Variants in FAAH2 observed in about 807,000 individuals in gnomAD.
FAAH2 encodes the protein fatty acid amide hydrolase 2.
Under a neutral mutation model 36.9 loss-of-function variants are expected in FAAH2, and 60 were observed. The observed-to-expected ratio is 1.63, with a 90% CI of 1.32 to 2.02. The LOEUF (loss-of-function observed/expected upper bound fraction) is 2.02, where lower values mean the gene tolerates loss of function less well. Among genes scored for constraint, FAAH2 ranks in the 30% most tolerant of loss-of-function variants. FAAH2 has a pLI of 0.00. For missense variants in FAAH2, 689 were observed against 397.5 expected (o/e 1.73, Z -6.23); for synonymous variants, 214 against 143.8 (o/e 1.49, Z -3.49).
At chrX:57,169,529 T>C in the FAAH2 span, among the ~76,000 whole-genome samples, 3 of 13,150 alleles carry the variant, frequency 2.3e-4, no homozygotes, top group Non-Finnish European at 3.4e-4. Flanking sequence ...TATATATATA[T>C]ATATATATAT....
chrX:57,330,744 C>A (rs1010052530), intron 3 of FAAH2, among the ~76,000 whole-genome samples: 1 of 111,555 alleles, frequency 9.0e-6, no homozygotes, highest in African/African-American at 3.3e-5. Flanking sequence ...TCCTTTATTT[C>A]TCAAACTGGC....
chrX:57,240,561 G>A, the FAAH2 span, among the ~76,000 whole-genome samples: 1 of 111,737 alleles, frequency 8.9e-6, no homozygotes, highest in Non-Finnish European at 1.9e-5. Flanking sequence ...GCATGGCATT[G>A]ACATGGTCGG....
chrX:57,300,723 C>A (rs1429367393), intron 2 of FAAH2, among the ~76,000 whole-genome samples: 1 of 111,395 alleles, frequency 9.0e-6, no homozygotes, highest in African/African-American at 3.3e-5. Context: ...TGACAAAGGG[C>A]TAATATCCAG....
At chrX:57,351,444 A>G (rs1172192519) in intron 5 of FAAH2, among the ~76,000 whole-genome samples, 1 of 111,278 alleles carries the variant, frequency 9.0e-6, no homozygotes, top group Non-Finnish European at 1.9e-5. Context: ...AAAAGCCTGA[A>G]CTAATCAAGA....
the FAAH2 span, among the ~76,000 whole-genome samples, chrX:57,244,192 G>T: frequency 9.2e-6 from 1 of 109,153 alleles, no homozygotes; most frequent in Admixed American, 9.9e-5. Flanking sequence ...GACAAGATTA[G>T]AGAAAAAAGA....
chrX:57,443,234 A>C (rs1039316023), intron 8 of FAAH2, among the ~76,000 whole-genome samples: 1 of 111,841 alleles, frequency 8.9e-6, no homozygotes, highest in Non-Finnish European at 1.9e-5. Flanking sequence ...TCTCACCGTC[A>C]CTTTCAGGTA....
At chrX:57,189,308 G>A in the FAAH2 span, among the ~76,000 whole-genome samples, 2 of 109,676 alleles carry the variant, frequency 1.8e-5, no homozygotes, top group Non-Finnish European at 3.8e-5. Context: ...CAAGGTTCTT[G>A]GCTTCCCTGC....
the FAAH2 span, among the ~76,000 whole-genome samples, chrX:57,268,171 C>T: frequency 1.9e-3 from 215 of 111,881 alleles, 1 homozygote; most frequent in African/African-American, 6.9e-3. Context: ...CCTGATAGAG[C>T]TGAAAAACAC....
the FAAH2 span, among the ~76,000 whole-genome samples, chrX:57,228,642 T>A: frequency 1.8e-5 from 2 of 111,374 alleles, no homozygotes; most frequent in African/African-American, 6.5e-5. Context: ...GGAGCTGCAA[T>A]CTAGTCCTAC....
chrX:57,328,760 G>A (rs2053303196), intron 3 of FAAH2, among the ~76,000 whole-genome samples: 1 of 111,420 alleles, frequency 9.0e-6, no homozygotes, highest in South Asian at 3.8e-4. Context: ...ATAACCTTGG[G>A]CGATTTGATT....
the FAAH2 span, among the ~76,000 whole-genome samples, chrX:57,237,093 C>A: frequency 3.6e-5 from 4 of 111,639 alleles, no homozygotes; most frequent in African/African-American, 1.3e-4. Flanking sequence ...GTTTTTCCAG[C>A]ACCATATATT....
intron 10 of FAAH2, among the ~76,000 whole-genome samples, chrX:57,482,821 G>A (rs1468828710): frequency 1.9e-5 from 2 of 105,134 alleles, no homozygotes; most frequent in African/African-American, 3.4e-5. Context: ...ATTTTTTAAA[G>A]GAGTTAAAAT....
At chrX:57,336,369 G>T (rs1230335155) in intron 4 of FAAH2, among the ~76,000 whole-genome samples, 1 of 110,900 alleles carries the variant, frequency 9.0e-6, no homozygotes, top group Non-Finnish European at 1.9e-5. Flanking sequence ...TTCAGACTCA[G>T]CCCACCTGCA....
intron 3 of FAAH2, among the ~76,000 whole-genome samples, chrX:57,319,045 C>G (rs5960259): frequency 0.014 from 1,549 of 111,564 alleles, 27 homozygotes; most frequent in African/African-American, 0.049. Flanking sequence ...CTATTTATGA[C>G]AAACCCACAG....
intron 2 of FAAH2, among the ~76,000 whole-genome samples, chrX:57,299,545 C>T (rs1489793848): frequency 1.8e-5 from 2 of 111,688 alleles, no homozygotes; most frequent in East Asian, 2.8e-4. Flanking sequence ...AAAACTGGCA[C>T]AAGACAGGGA....
the FAAH2 span, among the ~76,000 whole-genome samples, chrX:57,214,490 G>T: frequency 4.5e-5 from 5 of 110,943 alleles, no homozygotes; most frequent in Non-Finnish European, 1.9e-5. Context: ...GCAATGGTGC[G>T]ATCTCAGCTC....
chrX:57,456,815 A>G (rs2056871553), intron 10 of FAAH2, among the ~76,000 whole-genome samples: 1 of 111,426 alleles, frequency 9.0e-6, no homozygotes, highest in Non-Finnish European at 1.9e-5. Context: ...ACTTACCAAC[A>G]AAAAAGAGCC....
the FAAH2 span, among the ~76,000 whole-genome samples, chrX:57,148,908 G>A: frequency 3.6e-5 from 4 of 111,425 alleles, no homozygotes; most frequent in Middle Eastern, 4.2e-3. Flanking sequence ...GTCATAGATA[G>A]CTCTTATTAT....
At chrX:57,350,101 T>C (rs766551720) in intron 5 of FAAH2, among the ~76,000 whole-genome samples, 12 of 111,136 alleles carry the variant, frequency 1.1e-4, no homozygotes, top group African/African-American at 3.3e-4. Context: ...ATGGATGATA[T>C]GTTCAAAGTG....
Sources: allele counts gnomAD v4.1 joint callset (sites outside exome capture counted in the v4.1 genomes callset), GRCh38; gene constraint gnomAD v4.1.1; transcripts MANE v1.5; gene names NCBI Gene and HGNC (gene_info 2026-07-23, HGNC 2026-07-21).